JAM3: variants seen among roughly 807,000 people sequenced by gnomAD.
JAM3 encodes junctional adhesion molecule 3.
JAM3 carries 31 observed loss-of-function variants against 39.4 expected under a neutral mutation model. The observed-to-expected ratio is 0.79, with a 90% CI of 0.59 to 1.06. The LOEUF (loss-of-function observed/expected upper bound fraction) is 1.06, where lower values mean the gene tolerates loss of function less well. JAM3 is among the 50% of genes least tolerant of loss of function. The probability of loss-of-function intolerance (pLI) is 0.00; values close to 1 mark genes in which losing one functional copy is unlikely to be tolerated. For missense variants in JAM3, 455 were observed against 391.4 expected (o/e 1.16, Z -1.37); for synonymous variants, 182 against 148.7 (o/e 1.22, Z -1.63).
At chr11:134,125,568 T>G (rs186361287) in intron 1 of JAM3, among the ~76,000 whole-genome samples, 58 of 152,324 alleles carry the variant, frequency 3.8e-4, no homozygotes, top group African/African-American at 1.3e-3. Context: ...TACTTTGTAC[T>G]TGTAGCCATT....
chr11:134,128,404 A>G (rs899295841), intron 1 of JAM3, among the ~76,000 whole-genome samples: 1 of 152,230 alleles, frequency 6.6e-6, no homozygotes, highest in Non-Finnish European at 1.5e-5. Context: ...GTACTCAAAA[A>G]TTTAGAATTT....
At chr11:134,136,920 T>C (rs970745308) in intron 1 of JAM3, among the ~76,000 whole-genome samples, 2 of 152,152 alleles carry the variant, frequency 1.3e-5, no homozygotes, top group East Asian at 1.9e-4. Context: ...GAGACCATCC[T>C]GGCTAACACG....
chr11:134,094,729 C>T (rs1941945157), intron 1 of JAM3, among the ~76,000 whole-genome samples: 2 of 152,160 alleles, frequency 1.3e-5, no homozygotes, highest in Non-Finnish European at 2.9e-5. Flanking sequence ...GGCCCCTATA[C>T]TTTTATAGTA....
chr11:134,108,582 A>ACC (rs1942247229), intron 1 of JAM3, among the ~76,000 whole-genome samples: 1 of 152,198 alleles, frequency 6.6e-6, no homozygotes. Flanking sequence ...GTTTGTGTGT[A>ACC]TAGGAAGAAA....
At chr11:134,095,937 T>C (rs1941974273) in intron 1 of JAM3, among the ~76,000 whole-genome samples, 1 of 152,200 alleles carries the variant, frequency 6.6e-6, no homozygotes, top group Admixed American at 6.5e-5. Context: ...CCACTGTGTC[T>C]CAAATGTTGA....
At chr11:134,078,105 C>A (rs1941603527) in intron 1 of JAM3, among the ~76,000 whole-genome samples, 1 of 151,924 alleles carries the variant, frequency 6.6e-6, no homozygotes, top group South Asian at 2.1e-4. Context: ...GCTCAGTGTC[C>A]CCACTGGAGT....
At chr11:134,069,458 G>T (rs1011808779) in intron 1 of JAM3, among the ~76,000 whole-genome samples, 1 of 152,162 alleles carries the variant, frequency 6.6e-6, no homozygotes, top group African/African-American at 2.4e-5. Context: ...CGGACCCCGG[G>T]GGCGGGCTCT....
At chr11:134,102,073 TTTAA>T (rs766396816) in intron 1 of JAM3, among the ~76,000 whole-genome samples, 3 of 152,130 alleles carry the variant, frequency 2.0e-5, no homozygotes, top group African/African-American at 4.8e-5. Context: ...TAGTAACCTA[TTTAA>T]TTATCTCAGC....
chr11:134,131,367 G>A (rs1942766600), intron 1 of JAM3, among the ~76,000 whole-genome samples: 2 of 151,980 alleles, frequency 1.3e-5, no homozygotes, highest in South Asian at 4.2e-4. Context: ...AAAAGGAATA[G>A]TCTTCTGAGT....
At chr11:134,090,588 T>G (rs997811285) in intron 1 of JAM3, among the ~76,000 whole-genome samples, 3 of 152,192 alleles carry the variant, frequency 2.0e-5, no homozygotes, top group Non-Finnish European at 4.4e-5. Flanking sequence ...ATGCTGTGCT[T>G]TAAAGTTAGG....
At chr11:134,075,284 G>C (rs1343232825) in intron 1 of JAM3, among the ~76,000 whole-genome samples, 1 of 152,288 alleles carries the variant, frequency 6.6e-6, no homozygotes, top group Admixed American at 6.5e-5. Flanking sequence ...TCAAAAAGGA[G>C]CTGGACTTGT....
rs1157192645 is a variant in JAM3, at chr11:134,150,654, AGTTT to A, written c.*1478_*1481del. ...CCCCCAATGCTATTTTTTTTTTTTA[AGTTT>A]GTTTAATTATTTGTTAAGATTGTCT... On this transcript the variant is annotated 3_prime_UTR_variant, in exon 9 of 9. Coordinates refer to ENST00000299106, the MANE Select transcript of JAM3 (RefSeq NM_032801.5). The A allele has an allele frequency of 2.1e-4, 32 of 151,502 alleles. 1 individual carries two copies. The highest frequency in any genetic ancestry group is 1.0e-3 in the Admixed American group (16 of 15,254). The allele number at this position is 151,502 out of a possible 1,614,324, so 9.4% of individuals were successfully genotyped here.
At chr11:134,094,534 A>G (rs901470321) in intron 1 of JAM3, among the ~76,000 whole-genome samples, 1 of 148,076 alleles carries the variant, frequency 6.8e-6, no homozygotes, top group South Asian at 2.2e-4. Flanking sequence ...TCCACCTTAC[A>G]TGTCACTTCC....
chr11:134,093,616 A>G lies in JAM3; in HGVS notation c.76+24457A>G, dbSNP rs557629480. 1.7e-4 allele frequency among the ~76,000 whole-genome samples: 20 copies of G among 117,654 alleles called. 4 individuals carry two copies. In the East Asian group the frequency reaches 4.5e-3, roughly 26 times the overall value. The allele number at this position is 117,654 out of a possible 152,430, so 77.2% of individuals were successfully genotyped here. A position where few individuals can be genotyped will look rare whatever the true frequency, so the allele number is the denominator to read the frequency against. On this transcript the variant is annotated intron_variant, in intron 1 of 8. Coordinates refer to ENST00000299106, the MANE Select transcript of JAM3 (RefSeq NM_032801.5). ...CCTTATTCATCATGTTCCACCTTAC[A>G]TCTTATTCGTCATGTTCCATCTTAC...
At chr11:134,096,485 G>A (rs1432048112) in intron 1 of JAM3, among the ~76,000 whole-genome samples, 3 of 152,146 alleles carry the variant, frequency 2.0e-5, no homozygotes, top group Admixed American at 2.0e-4. Context: ...TTCATAGCCA[G>A]TACATAGTAG....
At position 134,137,261 on chromosome 11, in the gene JAM3, A is replaced by C. The variant is rs146437058; in HGVS notation, c.77-2590A>C. On this transcript the variant is annotated intron_variant, in intron 1 of 8. Coordinates refer to ENST00000299106, the MANE Select transcript of JAM3 (RefSeq NM_032801.5). ...AGTTTACCTTCCAAGTTTATTATAA[A>C]GATACATATCTCAGTTGGCCTTCAC... Among the ~76,000 whole-genome samples the C allele has an allele frequency of 3.9e-5, 6 of 152,380 alleles. No individual in the cohort carries two copies. In the East Asian group the frequency reaches 9.6e-4, roughly 24 times the overall value.
At chr11:134,111,762 C>G (rs1344948408) in intron 1 of JAM3, among the ~76,000 whole-genome samples, 1 of 152,124 alleles carries the variant, frequency 6.6e-6, no homozygotes, top group Non-Finnish European at 1.5e-5. Flanking sequence ...TCCATATAAA[C>G]AATAAAAAGG....
At chr11:134,095,620 ACT>A (rs530829388) in intron 1 of JAM3, among the ~76,000 whole-genome samples, 153 of 133,262 alleles carry the variant, frequency 1.1e-3, no homozygotes, top group African/African-American at 4.6e-3. Context: ...ACAGAATGAG[ACT>A]CTGTCAAAAA....
In JAM3 at chr11:134,150,894, G is replaced by C. The variant is rs755313794; in HGVS notation, c.*1713G>C. The C allele has an allele frequency of 6.6e-6, 1 of 152,320 alleles. No homozygotes were observed. Among genetic ancestry groups the C allele is most frequent in the South Asian group, 2.1e-4 (1 of 4,828 alleles). The allele number at this position is 152,320 out of a possible 1,614,324, so 9.4% of individuals were successfully genotyped here. A position where few individuals can be genotyped will look rare whatever the true frequency, so the allele number is the denominator to read the frequency against. On this transcript the variant is annotated 3_prime_UTR_variant, in exon 9 of 9. Transcript: ENST00000299106. ...GCCAGGTGAAAGGCCTGGCGGGGAG[G>C]AAAGTGAAACGCCTGAATCAAAAGC...
Sources: gnomAD v4.1 joint callset for allele counts (sites outside exome capture counted in the v4.1 genomes callset) on GRCh38, gnomAD v4.1.1 for gene constraint, MANE v1.5 for transcripts, NCBI Gene and HGNC (gene_info 2026-07-23, HGNC 2026-07-21) for gene names.